The following CTNNA3 variants were observed in gnomAD, a reference collection of about 807,000 sequenced individuals.
CTNNA3 encodes catenin alpha-3.
CTNNA3 carries 76 observed loss-of-function variants against 95.7 expected under a neutral mutation model. The observed-to-expected ratio is 0.79, with a 90% CI of 0.66 to 0.96. The LOEUF (loss-of-function observed/expected upper bound fraction) is 0.96. CTNNA3 is among the 40% of genes least tolerant of loss of function. The pLI is 0.00. For synonymous variants in CTNNA3, 431 were observed against 374.4 expected (o/e 1.15, Z -1.74); for missense variants, 1,191 against 1,089.8 (o/e 1.09, Z -1.31).
At chr10:66,585,019 C>A (rs1843312929) in intron 10 of CTNNA3, among the ~76,000 whole-genome samples, 1 of 152,050 alleles carries the variant, frequency 6.6e-6, no homozygotes, top group African/African-American at 2.4e-5. Context: ...CCAATTCCAT[C>A]TGGCTTATAA....
At chr10:67,288,664 A>C (rs1181011551) in intron 5 of CTNNA3, among the ~76,000 whole-genome samples, 1 of 152,212 alleles carries the variant, frequency 6.6e-6, no homozygotes, top group Non-Finnish European at 1.5e-5. Context: ...AAAAATCAAA[A>C]GATCCAAGCA....
At chr10:66,468,956 A>G (rs1194901406) in intron 11 of CTNNA3, among the ~76,000 whole-genome samples, 1 of 151,952 alleles carries the variant, frequency 6.6e-6, no homozygotes, top group Non-Finnish European at 1.5e-5. Flanking sequence ...TAGTACTGTA[A>G]TGAATATGCT....
intron 11 of CTNNA3, among the ~76,000 whole-genome samples, chr10:66,486,133 G>T (rs991372964): frequency 7.2e-5 from 11 of 152,132 alleles, no homozygotes. Flanking sequence ...AAGCTCTATG[G>T]TGTTAGCTTA....
At position 65,914,286 on chromosome 10, in the gene CTNNA3, A is replaced by G. The variant is rs926588370; in HGVS notation, c.*6044T>C. 5 of 152,130 alleles carry G rather than the reference A, an allele frequency of 3.3e-5. No homozygotes were observed. The highest frequency in any genetic ancestry group is 7.4e-5 in the Non-Finnish European group (5 of 68,006). The allele number at this position is 152,130 out of a possible 1,614,324, so 9.4% of individuals were successfully genotyped here. A position where few individuals can be genotyped will look rare whatever the true frequency, so the allele number is the denominator to read the frequency against. On this transcript the variant is annotated 3_prime_UTR_variant, in exon 18 of 18. Coordinates refer to ENST00000433211, the MANE Select transcript of CTNNA3 (RefSeq NM_013266.4). ...ATGACTACCAGATACATAAAAGTGA[A>G]GATCCCCAATATACACATCCATTGC...
intron 7 of CTNNA3, among the ~76,000 whole-genome samples, chr10:66,918,612 A>T (rs1168147675): frequency 6.6e-6 from 1 of 152,250 alleles, no homozygotes; most frequent in South Asian, 2.1e-4. Context: ...ATGACGTGGC[A>T]TCCAACACAT....
intron 17 of CTNNA3, among the ~76,000 whole-genome samples, chr10:65,942,235 GATT>G (rs1564528961): frequency 6.6e-6 from 1 of 152,188 alleles, no homozygotes; most frequent in African/African-American, 2.4e-5. Flanking sequence ...ACTTGGGAAT[GATT>G]GCAAGTAGAT....
At chr10:66,763,341 C>CAGAGAGAGAGAGAGAG (rs1554848276) in intron 9 of CTNNA3, among the ~76,000 whole-genome samples, 124 of 139,196 alleles carry the variant, frequency 8.9e-4, no homozygotes, top group Middle Eastern at 3.6e-3. Flanking sequence ...CACACACACA[C>CAGAGAGAGAGAGAGAG]AGAGAGAGAG....
intron 2 of CTNNA3, among the ~76,000 whole-genome samples, chr10:67,640,027 T>C (rs1456947790): frequency 6.6e-6 from 1 of 152,054 alleles, no homozygotes; most frequent in East Asian, 1.9e-4. Context: ...CAGAAGGAAA[T>C]AAAGGGTATT....
intron 5 of CTNNA3, among the ~76,000 whole-genome samples, chr10:67,440,388 C>G (rs1421113999): frequency 2.0e-5 from 3 of 152,182 alleles, no homozygotes; most frequent in Non-Finnish European, 2.9e-5. Context: ...GACAGCATCT[C>G]TGAACCTACT....
intron 1 of CTNNA3, among the ~76,000 whole-genome samples, chr10:67,659,001 G>A (rs535190434): frequency 1.3e-3 from 193 of 151,788 alleles, no homozygotes; most frequent in African/African-American, 4.5e-3. Context: ...TTTATGAAAA[G>A]ATTCAAACAA....
intron 13 of CTNNA3, among the ~76,000 whole-genome samples, chr10:66,113,846 A>G (rs1399103746): frequency 3.9e-5 from 6 of 152,220 alleles, no homozygotes; most frequent in East Asian, 3.9e-4. Context: ...AGGACTATGT[A>G]GGATGATGTG....
At chr10:66,660,969 T>C (rs1846241832) in intron 9 of CTNNA3, among the ~76,000 whole-genome samples, 1 of 152,164 alleles carries the variant, frequency 6.6e-6, no homozygotes, top group African/African-American at 2.4e-5. Context: ...TTAAGTGAAT[T>C]AATGAGTTCT....
At chr10:65,941,405 A>G (rs1217532291) in intron 17 of CTNNA3, among the ~76,000 whole-genome samples, 1 of 152,182 alleles carries the variant, frequency 6.6e-6, no homozygotes, top group Non-Finnish European at 1.5e-5. Flanking sequence ...TGTCACTCTA[A>G]CGACATGTAG....
chr10:66,420,806 T>TAAAC (rs2093185824), intron 11 of CTNNA3, among the ~76,000 whole-genome samples: 1 of 113,816 alleles, frequency 8.8e-6, no homozygotes, highest in Non-Finnish European at 1.7e-5. Context: ...CTCAAATAAA[T>TAAAC]AAATAAATAA....
intron 17 of CTNNA3, among the ~76,000 whole-genome samples, chr10:65,923,159 T>C (rs2077116630): frequency 6.6e-6 from 1 of 152,190 alleles, no homozygotes; most frequent in Admixed American, 6.5e-5. Flanking sequence ...TCAGTTAAAC[T>C]ATTTGGAAAT....
At chr10:66,470,383 T>G (rs1016982939) in intron 11 of CTNNA3, among the ~76,000 whole-genome samples, 1 of 151,830 alleles carries the variant, frequency 6.6e-6, no homozygotes, top group Non-Finnish European at 1.5e-5. Flanking sequence ...ATAGGATTTG[T>G]AGATAAGATG....
chr10:66,444,825 C>T (rs1447718621), intron 11 of CTNNA3, among the ~76,000 whole-genome samples: 2 of 151,718 alleles, frequency 1.3e-5, no homozygotes, highest in Admixed American at 1.3e-4. Flanking sequence ...ACACATAACA[C>T]TTAACTTTAA....
intron 13 of CTNNA3, among the ~76,000 whole-genome samples, chr10:66,196,588 C>G (rs1223347121): frequency 6.6e-6 from 1 of 152,210 alleles, no homozygotes; most frequent in Non-Finnish European, 1.5e-5. Flanking sequence ...CAGGAACTAA[C>G]TCCCTCACTT....
At chr10:67,458,645 G>A (rs965402944) in intron 5 of CTNNA3, among the ~76,000 whole-genome samples, 5 of 152,164 alleles carry the variant, frequency 3.3e-5, no homozygotes, top group South Asian at 2.1e-4. Context: ...TTGGAAGGCC[G>A]AAGTGGTCAG....
Sources: gnomAD v4.1 joint callset for allele counts (sites outside exome capture counted in the v4.1 genomes callset) on GRCh38, gnomAD v4.1.1 for gene constraint, MANE v1.5 for transcripts, NCBI Gene and HGNC (gene_info 2026-07-23, HGNC 2026-07-21) for gene names.